Variants in SCN8A observed in about 807,000 individuals in gnomAD.
SCN8A encodes the protein sodium voltage-gated channel alpha subunit 8, also known as sodium channel protein type 8 subunit alpha.
SCN8A carries 30 observed loss-of-function variants against 184.1 expected under a neutral mutation model. The observed-to-expected ratio is 0.16, with a 90% CI of 0.12 to 0.22. SCN8A has a LOEUF of 0.22. SCN8A is among the 10% of genes least tolerant of loss of function. The pLI is 1.00. For missense variants in SCN8A, 1,057 were observed against 2,498.9 expected (o/e 0.42, Z 12.30); for synonymous variants, 852 against 907.0 (o/e 0.94, Z 1.09).
intron 26 of SCN8A, among the ~76,000 whole-genome samples, chr12:51,800,780 A>T (rs931514704): frequency 1.3e-5 from 2 of 152,194 alleles, no homozygotes; most frequent in Non-Finnish European, 2.9e-5. Flanking sequence ...GCTCAGAGCC[A>T]GTGTCCAGTG....
intron 1 of SCN8A, among the ~76,000 whole-genome samples, chr12:51,620,872 A>G (rs1163063668): frequency 2.0e-5 from 3 of 151,360 alleles, no homozygotes; most frequent in Non-Finnish European, 4.4e-5. Flanking sequence ...CTGTGGTCCC[A>G]GCTACTCGGG....
intron 6 of SCN8A, 68 bp downstream of exon 6, chr12:51,689,164 C>A: frequency 1.7e-6 from 2 of 1,183,350 alleles, no homozygotes; most frequent in Non-Finnish European, 2.4e-6. Context: ...GTTTTGTCCA[C>A]CATTCTAAAG....
At chr12:51,763,330 T>C (rs1942790230) in intron 15 of SCN8A, among the ~76,000 whole-genome samples, 1 of 152,234 alleles carries the variant, frequency 6.6e-6, no homozygotes, top group Non-Finnish European at 1.5e-5. Context: ...TTCAATACTT[T>C]ATTATAAAAT....
intron 1 of SCN8A, among the ~76,000 whole-genome samples, chr12:51,606,900 A>ATAT (rs1939605959): frequency 6.7e-6 from 1 of 149,338 alleles, no homozygotes. Context: ...ATATTTATTT[A>ATAT]TTTATTTTTT....
chr12:51,724,104 C>T (rs1323454015), intron 12 of SCN8A, among the ~76,000 whole-genome samples: 2 of 152,142 alleles, frequency 1.3e-5, no homozygotes, highest in African/African-American at 4.8e-5. Flanking sequence ...CAATAATAAT[C>T]CTCTGGTTTC....
chr12:51,639,879 CTTTTTTTTTTTTTTTTTTTTTTTTT>C (rs71092712), intron 1 of SCN8A, among the ~76,000 whole-genome samples: 2 of 15,078 alleles, frequency 1.3e-4, no homozygotes, highest in African/African-American at 5.5e-4. Context: ...AAGGTATATG[CTTTTTTTTTTTTTTTTTTTTTTTTT>C]TTTTTTTTTT....
chr12:51,807,765 T>A lies in SCN8A; in HGVS notation c.*336T>A, dbSNP rs886049587. Reference sequence around the variant, plus strand: ...CCAGCATATTTCCGTTGCAGCCAAATGGATTTTATTTTTTCATTTTATTGA... The same window carrying A: ...CCAGCATATTTCCGTTGCAGCCAAAAGGATTTTATTTTTTCATTTTATTGA... On this transcript the variant is annotated 3_prime_UTR_variant, in exon 27 of 27. Transcript: ENST00000627620. The surrounding 1 kb of genome is among the most constrained non-coding windows in gnomAD (Gnocchi z 4.5). 3.4e-6 allele frequency: 1 copy of A among 294,478 alleles called. No individual in the cohort carries two copies. The highest frequency in any genetic ancestry group is 4.7e-5 in the Admixed American group (1 of 21,130). 18.2% of individuals were successfully genotyped at this position (294,478 alleles called of 1,614,324 possible).
At chr12:51,605,547 A>G (rs1939570588) in intron 1 of SCN8A, among the ~76,000 whole-genome samples, 1 of 152,228 alleles carries the variant, frequency 6.6e-6, no homozygotes, top group African/African-American at 2.4e-5. Flanking sequence ...TTGTGCTGCT[A>G]TAAACATGTG....
At position 51,786,835 on chromosome 12, in the gene SCN8A, T is replaced by G; in HGVS notation, c.4227+9T>G. On this transcript the variant is annotated intron_variant, in intron 22 of 26. Transcript: ENST00000627620. ...TGGCCCTTCTTCAAGTAGTAAGTAGTGTTTTTGTTTTTGTTTTTTCAGTTC... is the reference window on the plus strand; with the variant it reads ...TGGCCCTTCTTCAAGTAGTAAGTAGGGTTTTTGTTTTTGTTTTTTCAGTTC... The G allele has an allele frequency of 6.2e-7, 1 of 1,601,766 alleles. No homozygotes were observed. The highest frequency in any genetic ancestry group is 8.5e-7 in the Non-Finnish European group (1 of 1,176,086).
At chr12:51,627,198 T>G (rs1273945253) in intron 1 of SCN8A, among the ~76,000 whole-genome samples, 1 of 152,182 alleles carries the variant, frequency 6.6e-6, no homozygotes, top group Non-Finnish European at 1.5e-5. Context: ...TGGGTAGATG[T>G]CTTCCTCTTT....
At chr12:51,684,347 A>G in intron 3 of SCN8A, 55 bp downstream of exon 3, 1 of 862,238 alleles carries the variant, frequency 1.2e-6, no homozygotes, top group South Asian at 1.3e-5. Flanking sequence ...TTGCTTGTTT[A>G]CCTTTCCAAT....
intron 13 of SCN8A, 76 bp downstream of exon 13, chr12:51,746,111 C>T (rs1272023340): frequency 1.4e-6 from 2 of 1,380,006 alleles, no homozygotes; most frequent in South Asian, 1.9e-5. Context: ...ATCCCTGTCC[C>T]TTGGTCTGAG....
chr12:51,780,146 TGAG>T (rs1264621626), intron 20 of SCN8A: 13 of 439,900 alleles, frequency 3.0e-5, no homozygotes, highest in Admixed American at 1.9e-4. Flanking sequence ...GTGAATGAGC[TGAG>T]GAGGGGGCAG....
At chr12:51,705,334 T>G (rs1941764873) in intron 9 of SCN8A, 83 bp from the exon 10 acceptor site, 1 of 1,303,644 alleles carries the variant, frequency 7.7e-7, no homozygotes, top group African/African-American at 1.5e-5. Context: ...ATAGTGCCCT[T>G]ACAGAGGAAC....
At chr12:51,787,841 A>G (rs1447052360) in intron 22 of SCN8A, among the ~76,000 whole-genome samples, 1 of 152,174 alleles carries the variant, frequency 6.6e-6, no homozygotes, top group East Asian at 1.9e-4. Context: ...TTCCTACCCC[A>G]AAGCTTTTTT....
chr12:51,699,095 A>T (rs902612607), intron 6 of SCN8A, among the ~76,000 whole-genome samples: 1 of 152,260 alleles, frequency 6.6e-6, no homozygotes, highest in African/African-American at 2.4e-5. Context: ...CACTAGTAAC[A>T]ATGGAGAGGA....
chr12:51,701,090 C>G (rs1157175321), intron 7 of SCN8A, 54 bp from the exon 8 acceptor site: 3 of 1,210,588 alleles, frequency 2.5e-6, no homozygotes, highest in Non-Finnish European at 3.7e-6. Context: ...TAACCTTATT[C>G]TCTCATTCAC....
At chr12:51,794,772 G>A (rs904580502) in intron 26 of SCN8A, 131 bp downstream of exon 26, 5 of 864,130 alleles carry the variant, frequency 5.8e-6, no homozygotes, top group African/African-American at 5.1e-5. Flanking sequence ...TTAAGTCCAT[G>A]TGTGCCCCTG....
intron 2 of SCN8A, among the ~76,000 whole-genome samples, chr12:51,664,432 T>A (rs549144019): frequency 2.6e-5 from 4 of 152,232 alleles, no homozygotes; most frequent in Admixed American, 2.6e-4. Context: ...GGTCTCAAAC[T>A]CCTGACCTCA....
Sources: allele counts gnomAD v4.1 joint callset (sites outside exome capture counted in the v4.1 genomes callset), GRCh38; gene constraint gnomAD v4.1.1; non-coding constraint Gnocchi (gnomAD v3.1); transcripts MANE v1.5; gene names NCBI Gene and HGNC (gene_info 2026-07-23, HGNC 2026-07-21).